CHMP4B: variants seen among roughly 807,000 people sequenced by gnomAD.
CHMP4B encodes the protein SNF7 homolog associated with Alix 1.
Under a neutral mutation model 25.1 loss-of-function variants are expected in CHMP4B, and 1 was observed. The observed-to-expected ratio is 0.04, with a 90% CI of 0.01 to 0.19. The LOEUF is 0.19. Among genes scored for constraint, CHMP4B ranks in the 10% least tolerant of loss-of-function variants. CHMP4B has a pLI of 1.00. For synonymous variants in CHMP4B, 101 were observed against 115.6 expected (o/e 0.87, Z 0.81); for missense variants, 151 against 289.7 (o/e 0.52, Z 3.48).
chr20:33,826,498 A>G (rs193023451), intron 1 of CHMP4B, among the ~76,000 whole-genome samples: 185 of 152,264 alleles, frequency 1.2e-3, no homozygotes, highest in African/African-American at 4.2e-3. Flanking sequence ...CACATACCAA[A>G]TGGATACTTT....
rs367598960 is a variant in CHMP4B, at chr20:33,840,404, T to C, written c.191-8063T>C. On this transcript the variant is annotated intron_variant, in intron 1 of 4. Transcript: ENST00000217402. ...CAAGTGTTTGCATAGTGATTATCTT[T>C]CTCGTCTGTCCTTAGGGTAGTGGTT... 7.9e-5 allele frequency among the ~76,000 whole-genome samples: 12 copies of C among 152,182 alleles called. No individual in the cohort carries two copies. The South Asian group carries it at 2.5e-3, about 32-fold the overall frequency.
chr20:33,819,807 A>G (rs1174464613), intron 1 of CHMP4B, among the ~76,000 whole-genome samples: 1 of 152,170 alleles, frequency 6.6e-6, no homozygotes, highest in East Asian at 1.9e-4. Flanking sequence ...AAAATGGAAT[A>G]CAGAATTGAC....
At chr20:33,835,327 C>G (rs766269271) in intron 1 of CHMP4B, among the ~76,000 whole-genome samples, 1 of 152,116 alleles carries the variant, frequency 6.6e-6, no homozygotes, top group Non-Finnish European at 1.5e-5. Flanking sequence ...CTTCAAGTTT[C>G]TTAAGCTCCA....
chr20:33,852,161 C>G lies in CHMP4B; in HGVS notation c.568C>G (p.Pro190Ala), dbSNP rs1262609607. Residue 190 changes from proline (P) to alanine (A), a missense_variant, in exon 4 of 5, where the codon CCT becomes GCT. Physicochemically the swap from Pro to Ala is conservative, Grantham distance 27. Coordinates refer to ENST00000217402, the MANE Select transcript of CHMP4B (RefSeq NM_176812.5). Reference sequence around the variant, plus strand: ...GGAAATCAGTGGACCCGAAACAGTCCCTCTACCAAATGTTCCCTCTATAGC... The same window carrying G: ...GGAAATCAGTGGACCCGAAACAGTCGCTCTACCAAATGTTCCCTCTATAGC... ...LLEISGPETV[P>A]LPNVPSIALP... 1 of 1,614,158 alleles carries G rather than the reference C, an allele frequency of 6.2e-7. No individual in the cohort carries two copies. The highest frequency in any genetic ancestry group is 1.7e-5 in the Admixed American group (1 of 60,028).
chr20:33,835,914 C>G (rs150828764), intron 1 of CHMP4B, among the ~76,000 whole-genome samples: 42 of 152,276 alleles, frequency 2.8e-4, no homozygotes, highest in African/African-American at 9.6e-4. Flanking sequence ...TGAATAAGAA[C>G]TCACTTACTC....
In CHMP4B at chr20:33,853,707, C is replaced by T. The variant is rs573588670; in HGVS notation, c.*147C>T. On this transcript the variant is annotated 3_prime_UTR_variant, in exon 5 of 5. Transcript: ENST00000217402. ...CCAAAGCAGTAGGGCCGCGTTGCTG[C>T]TCACTCTCTGCATAGCATGGTCTGC... is the stretch of plus-strand genomic sequence containing the variant. The T allele has an allele frequency of 1.2e-4, 71 of 597,374 alleles. No homozygotes were observed. The highest frequency in any genetic ancestry group is 1.1e-3 in the African/African-American group (55 of 48,470). The allele number at this position is 597,374 out of a possible 1,614,324, so 37.0% of individuals were successfully genotyped here.
intron 2 of CHMP4B, among the ~76,000 whole-genome samples, chr20:33,850,530 G>A (rs1483161701): frequency 2.6e-5 from 4 of 152,210 alleles, no homozygotes; most frequent in Non-Finnish European, 5.9e-5. Context: ...AGGATCCATA[G>A]GTGGACTGAG....
In CHMP4B at chr20:33,848,467, C is replaced by T. The variant is rs772871889; in HGVS notation, c.191C>T (p.Ala64Val). ...AAACCCTGTTTTCTCCCTCACGCAGCGGCCCTCCAGGCACTGAAGCGTAAG... is the reference window on the plus strand; with the variant it reads ...AAACCCTGTTTTCTCCCTCACGCAGTGGCCCTCCAGGCACTGAAGCGTAAG... ...AKKHGTKNKR[A>V]ALQALKRKKR... Residue 64 changes from alanine to valine, a missense_variant and splice_region_variant, in exon 2 of 5, where the codon GCG (alanine) becomes GTG (valine). Physicochemically the swap from Ala to Val is moderately conservative, Grantham distance 64 (BLOSUM62 0). Coordinates refer to ENST00000217402, the MANE Select transcript of CHMP4B (RefSeq NM_176812.5). 1.4e-5 allele frequency: 22 copies of T among 1,613,978 alleles called. No individual in the cohort carries two copies. The highest frequency in any genetic ancestry group is 8.3e-5 in the Admixed American group (5 of 60,004).
At chr20:33,819,172 A>G (rs549479759) in intron 1 of CHMP4B, among the ~76,000 whole-genome samples, 1 of 152,254 alleles carries the variant, frequency 6.6e-6, no homozygotes, top group South Asian at 2.1e-4. Context: ...TTGGCCTTCC[A>G]AAGTGCTGGG....
rs115503762 is a variant in CHMP4B, at chr20:33,816,441, G to A, written c.190+4783G>A. Among the ~76,000 whole-genome samples the A allele has an allele frequency of 7.5e-3, 1,136 of 152,206 alleles. 13 individuals are homozygous for A. The highest frequency in any genetic ancestry group is 0.026 in the African/African-American group (1,083 of 41,522). On this transcript the variant is annotated intron_variant, in intron 1 of 4. Transcript: ENST00000217402. ...TTGATCAGACTTCTTTGGTTTAGTT[G>A]TCTCTTTCATTGAGAACTGGATAGA...
chr20:33,847,810 TG>T (rs1329946874), intron 1 of CHMP4B, among the ~76,000 whole-genome samples: 1 of 152,206 alleles, frequency 6.6e-6, no homozygotes, highest in Admixed American at 6.5e-5. Flanking sequence ...AGGAAATTAC[TG>T]GGTCAGAGGA....
At chr20:33,848,887 TG>T in intron 2 of CHMP4B, among the ~76,000 whole-genome samples, 1 of 152,216 alleles carries the variant, frequency 6.6e-6, no homozygotes. Flanking sequence ...AGTTTCAAGC[TG>T]GAAAGGCCTT....
At chr20:33,820,844 T>C (rs1275888058) in intron 1 of CHMP4B, among the ~76,000 whole-genome samples, 1 of 152,200 alleles carries the variant, frequency 6.6e-6, no homozygotes. Flanking sequence ...TGCAGTACTT[T>C]AAAAAAGTAC....
chr20:33,816,636 TC>T (rs1399652711), intron 1 of CHMP4B, among the ~76,000 whole-genome samples: 1 of 152,214 alleles, frequency 6.6e-6, no homozygotes, highest in Admixed American at 6.5e-5. Flanking sequence ...TGATCAAATA[TC>T]AAAGATTCTT....
At chr20:33,849,035 G>A (rs563592817) in intron 2 of CHMP4B, among the ~76,000 whole-genome samples, 1 of 152,284 alleles carries the variant, frequency 6.6e-6, no homozygotes, top group Non-Finnish European at 1.5e-5. Flanking sequence ...ATTTTTCCCT[G>A]ATGCTGTCAG....
intron 1 of CHMP4B, among the ~76,000 whole-genome samples, chr20:33,828,965 CT>C (rs1979169411): frequency 6.6e-6 from 1 of 152,152 alleles, no homozygotes; most frequent in Non-Finnish European, 1.5e-5. Flanking sequence ...ATTCTGGCCC[CT>C]TTTAGAATCT....
chr20:33,811,791 G>A, intron 1 of CHMP4B, 133 bp downstream of exon 1: 1 of 917,336 alleles, frequency 1.1e-6, no homozygotes, highest in Non-Finnish European at 1.7e-6. Context: ...TTCTTGCCGG[G>A]TCTGGGACCC....
intron 1 of CHMP4B, among the ~76,000 whole-genome samples, chr20:33,835,111 T>C (rs1294587619): frequency 3.3e-5 from 5 of 152,208 alleles, no homozygotes; most frequent in African/African-American, 1.2e-4. Flanking sequence ...TTCCTAATTA[T>C]TAAATTCCAT....
chr20:33,841,946 G>A (rs971684855), intron 1 of CHMP4B, among the ~76,000 whole-genome samples: 2 of 152,166 alleles, frequency 1.3e-5, no homozygotes, highest in Non-Finnish European at 2.9e-5. Flanking sequence ...GGTGGAAAGA[G>A]TCCTGGGCTG....
Sources: allele counts gnomAD v4.1 joint callset (sites outside exome capture counted in the v4.1 genomes callset), GRCh38; gene constraint gnomAD v4.1.1; transcripts MANE v1.5; gene names NCBI Gene and HGNC (gene_info 2026-07-23, HGNC 2026-07-21).